ZNF883: variants seen among roughly 807,000 people sequenced by gnomAD.
ZNF883 encodes the protein zinc finger protein 883.
chr9:112,997,971 A>C, exon 1 of ZNF883: 2 of 1,613,896 alleles, frequency 1.2e-6, no homozygotes, highest in South Asian at 2.2e-5. Flanking sequence ...TTACACTCAT[A>C]AGGTTTCTCC....
exon 1 of ZNF883, chr9:112,998,159 G>A (rs1301001189): frequency 1.9e-6 from 3 of 1,613,660 alleles, no homozygotes; most frequent in Admixed American, 3.3e-5. Context: ...TCCAATATGT[G>A]TTTTCTGATG....
At chr9:113,009,326 C>A (rs1828508651) in intron 2 of ZNF883, among the ~76,000 whole-genome samples, 1 of 152,018 alleles carries the variant, frequency 6.6e-6, no homozygotes, top group South Asian at 2.1e-4. Flanking sequence ...GCACGCCTTA[C>A]CTCTCTCATC....
intron 2 of ZNF883, among the ~76,000 whole-genome samples, chr9:113,010,693 T>C (rs1011093292): frequency 6.6e-6 from 1 of 151,960 alleles, no homozygotes; most frequent in Non-Finnish European, 1.5e-5. Context: ...TTGTCAGTTA[T>C]AAAGAAAAAT....
At chr9:112,992,977 T>C (rs1280687139), downstream of ZNF883, among the ~76,000 whole-genome samples, 1 of 152,224 alleles carries the variant, frequency 6.6e-6, no homozygotes, top group East Asian at 1.9e-4. Context: ...TAATGTTTTA[T>C]CATGATTCTT....
chr9:113,008,602 C>A (rs1240937899), intron 2 of ZNF883, among the ~76,000 whole-genome samples: 2 of 151,288 alleles, frequency 1.3e-5, no homozygotes, highest in Non-Finnish European at 3.0e-5. Context: ...AAAAATCCAG[C>A]ATTTTATTTG....
chr9:113,004,243 A>T (rs751367863), intron 2 of ZNF883, among the ~76,000 whole-genome samples: 2 of 152,206 alleles, frequency 1.3e-5, no homozygotes. Flanking sequence ...AGGCAGGATG[A>T]CCTTGCTGAC....
downstream of ZNF883, chr9:112,997,116 C>T: frequency 2.5e-6 from 4 of 1,584,144 alleles, no homozygotes; most frequent in Non-Finnish European, 2.6e-6. Context: ...CTTTCCCACA[C>T]TCATTACTCT....
chr9:113,007,193 CAAAAG>C (rs1399843406), intron 2 of ZNF883, among the ~76,000 whole-genome samples: 2 of 152,220 alleles, frequency 1.3e-5, no homozygotes, highest in East Asian at 3.9e-4. Context: ...GACTCCGTCT[CAAAAG>C]AAAAAAATCT....
intron 2 of ZNF883, among the ~76,000 whole-genome samples, chr9:113,009,168 C>T (rs957309533): frequency 6.6e-6 from 1 of 151,940 alleles, no homozygotes; most frequent in African/African-American, 2.4e-5. Context: ...TATTCAAAAC[C>T]CTATGAAAAT....
downstream of ZNF883, among the ~76,000 whole-genome samples, chr9:112,994,862 C>T (rs1828334039): frequency 6.6e-6 from 1 of 151,670 alleles, no homozygotes; most frequent in African/African-American, 2.4e-5. Context: ...TTATTGCTAT[C>T]TTTTTTTTCT....
chr9:113,008,821 G>T (rs1361970665), intron 2 of ZNF883, among the ~76,000 whole-genome samples: 1 of 151,810 alleles, frequency 6.6e-6, no homozygotes, highest in African/African-American at 2.4e-5. Context: ...AGGGAAGACA[G>T]GTTCCCTCCT....
intron 2 of ZNF883, among the ~76,000 whole-genome samples, chr9:113,006,054 A>G (rs910444867): frequency 6.6e-6 from 1 of 152,000 alleles, no homozygotes; most frequent in Non-Finnish European, 1.5e-5. Flanking sequence ...GGCATACAGT[A>G]AAGAAACCAG....
chr9:113,002,939 TAG>T (rs1477054601), upstream of ZNF883, among the ~76,000 whole-genome samples: 1 of 152,194 alleles, frequency 6.6e-6, no homozygotes, highest in African/African-American at 2.4e-5. Flanking sequence ...TCCTGAAGCA[TAG>T]ACTGAGCCTT....
downstream of ZNF883, among the ~76,000 whole-genome samples, chr9:112,993,746 C>A (rs1828323684): frequency 6.6e-6 from 1 of 152,218 alleles, no homozygotes; most frequent in African/African-American, 2.4e-5. Context: ...AAACTCCTGG[C>A]AGGAATTGCT....
downstream of ZNF883, among the ~76,000 whole-genome samples, chr9:112,995,107 AAAG>A (rs1828338133): frequency 6.6e-6 from 1 of 152,186 alleles, no homozygotes; most frequent in African/African-American, 2.4e-5. Context: ...AATGTGTTTC[AAAG>A]AAGAGGTTAA....
exon 1 of ZNF883, chr9:112,997,520 T>C (rs778335557): frequency 2.5e-6 from 4 of 1,614,152 alleles, no homozygotes; most frequent in Non-Finnish European, 3.4e-6. Flanking sequence ...TGCACTCCGA[T>C]TGAAGGCCTT....
At chr9:112,994,755 A>G (rs1344229219), downstream of ZNF883, among the ~76,000 whole-genome samples, 1 of 151,666 alleles carries the variant, frequency 6.6e-6, no homozygotes, top group Non-Finnish European at 1.5e-5. Context: ...CTTTTTTTTA[A>G]TATATTGTTT....
downstream of ZNF883, among the ~76,000 whole-genome samples, chr9:112,994,444 A>C (rs945945971): frequency 1.4e-5 from 2 of 146,440 alleles, no homozygotes; most frequent in East Asian, 2.0e-4. Context: ...TCTCAGTGGG[A>C]GCCTCTGTCT....
intron 2 of ZNF883, among the ~76,000 whole-genome samples, chr9:113,008,195 T>A (rs1329364924): frequency 6.6e-6 from 1 of 152,232 alleles, no homozygotes; most frequent in Non-Finnish European, 1.5e-5. Flanking sequence ...AATTACTGCC[T>A]ATAAAGCATA....
Sources: allele counts gnomAD v4.1 joint callset (sites outside exome capture counted in the v4.1 genomes callset), GRCh38; gene constraint gnomAD v4.1.1; transcripts MANE v1.5; gene names NCBI Gene and HGNC (gene_info 2026-07-23, HGNC 2026-07-21).